Variants in GPC5 observed in about 807,000 individuals in gnomAD.
GPC5 encodes the protein glypican-5.
GPC5 carries 47 observed loss-of-function variants against 53.9 expected under a neutral mutation model. That is an observed-to-expected ratio of 0.87 (90% CI 0.69 to 1.11). GPC5 has a LOEUF of 1.11. GPC5 is among the 50% of genes most tolerant of loss of function. The pLI, the probability that GPC5 is intolerant of heterozygous loss-of-function variation, is 0.00. For synonymous variants in GPC5, 286 were observed against 263.3 expected (o/e 1.09, Z -0.84); for missense variants, 748 against 713.1 (o/e 1.05, Z -0.56).
chr13:91,908,513 T>C (rs1046979788), intron 6 of GPC5, among the ~76,000 whole-genome samples: 1 of 152,174 alleles, frequency 6.6e-6, no homozygotes, highest in Non-Finnish European at 1.5e-5. Context: ...ATTTATTTCC[T>C]ATAACACCTT....
At chr13:92,402,746 A>C (rs1456433284) in intron 7 of GPC5, among the ~76,000 whole-genome samples, 1 of 152,220 alleles carries the variant, frequency 6.6e-6, no homozygotes, top group Non-Finnish European at 1.5e-5. Flanking sequence ...TCTAAAAGTC[A>C]GTTAGAAGCT....
intron 4 of GPC5, among the ~76,000 whole-genome samples, chr13:91,745,627 A>G (rs1160005638): frequency 6.6e-6 from 1 of 152,106 alleles, no homozygotes; most frequent in East Asian, 1.9e-4. Context: ...GGAAAAAAAA[A>G]TCTGTCTCTT....
intron 6 of GPC5, among the ~76,000 whole-genome samples, chr13:92,084,980 C>T (rs1339337888): frequency 6.6e-6 from 1 of 152,196 alleles, no homozygotes; most frequent in Admixed American, 6.5e-5. Flanking sequence ...AGAGCTTGCT[C>T]TCTACTTCAT....
At chr13:92,403,786 T>A (rs541100759) in intron 7 of GPC5, among the ~76,000 whole-genome samples, 1 of 152,210 alleles carries the variant, frequency 6.6e-6, no homozygotes, top group Non-Finnish European at 1.5e-5. Flanking sequence ...ATACAAATGC[T>A]AATAGAGATT....
intron 7 of GPC5, 105 bp downstream of exon 7, chr13:92,145,094 A>T: frequency 9.7e-7 from 1 of 1,033,108 alleles, no homozygotes. Flanking sequence ...AAAAACAAGC[A>T]AGAGGAATTG....
At chr13:92,238,009 T>C (rs954509613) in intron 7 of GPC5, among the ~76,000 whole-genome samples, 1 of 152,084 alleles carries the variant, frequency 6.6e-6, no homozygotes, top group East Asian at 1.9e-4. Context: ...TTCTCATTTT[T>C]ATGGTGGAAT....
chr13:92,097,538 C>T (rs2041431606), intron 6 of GPC5, among the ~76,000 whole-genome samples: 1 of 152,176 alleles, frequency 6.6e-6, no homozygotes, highest in Admixed American at 6.5e-5. Context: ...GTGTGTTACT[C>T]ATAGACGTCT....
chr13:91,830,044 G>A (rs563926576), intron 5 of GPC5, among the ~76,000 whole-genome samples: 1 of 152,116 alleles, frequency 6.6e-6, no homozygotes, highest in Middle Eastern at 3.4e-3. Context: ...AATTTATTAG[G>A]TGGGAATTTC....
chr13:91,803,803 C>CACACACAT (rs71113763), intron 5 of GPC5, among the ~76,000 whole-genome samples: 53 of 150,104 alleles, frequency 3.5e-4, no homozygotes, highest in South Asian at 1.9e-3. Context: ...CACACACACA[C>CACACACAT]ACAGAGGAAA....
intron 7 of GPC5, among the ~76,000 whole-genome samples, chr13:92,532,851 T>C (rs1881609228): frequency 1.3e-5 from 2 of 152,118 alleles, no homozygotes; most frequent in Admixed American, 6.6e-5. Flanking sequence ...TTTTGCAAAA[T>C]GAAAGAACAT....
At chr13:91,416,656 G>C (rs899459293) in intron 1 of GPC5, among the ~76,000 whole-genome samples, 1 of 151,800 alleles carries the variant, frequency 6.6e-6, no homozygotes, top group African/African-American at 2.4e-5. Context: ...CCCTGCCCAA[G>C]TGATCTCATT....
At chr13:91,708,501 T>C (rs2036157128) in intron 3 of GPC5, among the ~76,000 whole-genome samples, 1 of 152,142 alleles carries the variant, frequency 6.6e-6, no homozygotes, top group African/African-American at 2.4e-5. Flanking sequence ...AGTAGATTAA[T>C]AGTTGCCAGG....
intron 7 of GPC5, among the ~76,000 whole-genome samples, chr13:92,595,723 G>A (rs1009714151): frequency 2.9e-5 from 4 of 136,518 alleles, no homozygotes; most frequent in Admixed American, 8.2e-5. Context: ...AGCAGAGATC[G>A]CGCCACTGCA....
intron 2 of GPC5, among the ~76,000 whole-genome samples, chr13:91,652,552 G>A (rs1466444813): frequency 6.6e-6 from 1 of 152,166 alleles, no homozygotes; most frequent in East Asian, 1.9e-4. Flanking sequence ...AGAGGGCTAA[G>A]CAACTAAACG....
chr13:91,624,620 C>T lies in GPC5; in HGVS notation c.326-68567C>T, dbSNP rs1027780567. 5.9e-5 allele frequency among the ~76,000 whole-genome samples: 9 copies of T among 151,966 alleles called. No individual in the cohort carries two copies. The South Asian group carries it at 1.9e-3, about 32-fold the overall frequency. On this transcript the variant is annotated intron_variant, in intron 2 of 7. Transcript: ENST00000377067. ...TTATATATCTATAAAAATTAATCAA[C>T]CATATGCTTGACTATAGGAACACTG...
intron 7 of GPC5, among the ~76,000 whole-genome samples, chr13:92,489,545 G>C (rs2139444978): frequency 6.6e-6 from 1 of 152,172 alleles, no homozygotes; most frequent in East Asian, 1.9e-4. Context: ...CTCGAAAGGT[G>C]GTATTGGAGT....
chr13:91,704,200 T>C (rs1379737077), intron 3 of GPC5, among the ~76,000 whole-genome samples: 1 of 152,202 alleles, frequency 6.6e-6, no homozygotes, highest in African/African-American at 2.4e-5. Flanking sequence ...ATATTTGCAA[T>C]TCTTATGCAA....
chr13:91,633,322 A>G (rs1309715120), intron 2 of GPC5, among the ~76,000 whole-genome samples: 1 of 152,076 alleles, frequency 6.6e-6, no homozygotes, highest in Non-Finnish European at 1.5e-5. Flanking sequence ...TCTATTCCTT[A>G]TTCCTCAGAT....
chr13:92,558,102 G>A (rs1047963955), intron 7 of GPC5, among the ~76,000 whole-genome samples: 4 of 151,874 alleles, frequency 2.6e-5, no homozygotes, highest in African/African-American at 9.7e-5. Context: ...AAAATCAAAA[G>A]AAGATTAACA....
Sources: gnomAD v4.1 joint callset for allele counts (sites outside exome capture counted in the v4.1 genomes callset) on GRCh38, gnomAD v4.1.1 for gene constraint, MANE v1.5 for transcripts, NCBI Gene and HGNC (gene_info 2026-07-23, HGNC 2026-07-21) for gene names.